FOXP2: variants seen among roughly 807,000 people sequenced by gnomAD.
FOXP2 encodes forkhead box P2, also known as forkhead box protein P2.
In FOXP2, 12 loss-of-function variants were observed where a neutral mutation model predicts 115.8. The ratio of observed to expected loss-of-function variants is 0.10; its 90% CI spans 0.07 to 0.17. The LOEUF is 0.17. Ranked by LOEUF, FOXP2 falls within the 10% of genes least tolerant of loss-of-function variation. FOXP2 has a pLI of 1.00. For synonymous variants in FOXP2, 328 were observed against 297.7 expected (o/e 1.10, Z -1.05); for missense variants, 629 against 843.5 (o/e 0.75, Z 3.15).
Position 114,635,842 on chromosome 7 carries a change from T to C in FOXP2, c.775+4137T>C, listed in dbSNP as rs149122555. Among the ~76,000 whole-genome samples the C allele has an allele frequency of 2.9e-4, 44 of 152,248 alleles. 1 individual carries two copies. The highest frequency in any genetic ancestry group is 1.2e-3 in the South Asian group (6 of 4,826). On this transcript the variant is annotated intron_variant, in intron 6 of 16. Transcript: ENST00000350908. ...AAAATATGATGAGAAAAAGGAAACA[T>C]CATTGGTTTTGTAATAGAATATCCA... is the stretch of plus-strand genomic sequence containing the variant.
intron 2 of FOXP2, among the ~76,000 whole-genome samples, chr7:114,447,511 T>C (rs924934304): frequency 6.6e-6 from 1 of 152,120 alleles, no homozygotes; most frequent in Non-Finnish European, 1.5e-5. Flanking sequence ...AAATTGAACC[T>C]TTTTCTGCAA....
intron 2 of FOXP2, among the ~76,000 whole-genome samples, chr7:114,477,089 C>T (rs1336528528): frequency 6.6e-6 from 1 of 151,902 alleles, no homozygotes; most frequent in Admixed American, 6.6e-5. Flanking sequence ...TGGAAATAAG[C>T]CTGGAGACTT....
chr7:114,175,527 A>T (rs930242946), intron 1 of FOXP2, among the ~76,000 whole-genome samples: 1 of 152,166 alleles, frequency 6.6e-6, no homozygotes, highest in African/African-American at 2.4e-5. Context: ...AACTCTCTTA[A>T]ATGTTTAGTG....
intron 1 of FOXP2, among the ~76,000 whole-genome samples, chr7:114,230,884 A>T (rs530766090): frequency 2.6e-5 from 4 of 151,920 alleles, no homozygotes; most frequent in Non-Finnish European, 5.9e-5. Context: ...ATGTAAAAAA[A>T]GAAATAAAAG....
chr7:114,330,416 TG>T (rs1191067190), intron 2 of FOXP2, among the ~76,000 whole-genome samples: 2 of 151,354 alleles, frequency 1.3e-5, no homozygotes, highest in Non-Finnish European at 2.9e-5. Flanking sequence ...GAGGATCCCT[TG>T]AGCTCAGGAG....
chr7:114,391,320 C>G (rs1792595253), intron 2 of FOXP2, among the ~76,000 whole-genome samples: 1 of 152,174 alleles, frequency 6.6e-6, no homozygotes, highest in Non-Finnish European at 1.5e-5. Context: ...TCCTACCTTG[C>G]TTCTTCACTG....
intron 2 of FOXP2, 52 bp from the exon 3 acceptor site, chr7:114,534,565 A>G: frequency 6.9e-7 from 1 of 1,439,822 alleles, no homozygotes; most frequent in Non-Finnish European, 9.8e-7. Context: ...GAGATAATTG[A>G]TAACTTAACT....
chr7:114,300,509 T>G (rs1234416838), intron 2 of FOXP2, among the ~76,000 whole-genome samples: 1 of 151,880 alleles, frequency 6.6e-6, no homozygotes, highest in Non-Finnish European at 1.5e-5. Flanking sequence ...TCAAACCCAT[T>G]TTTTTCCTGA....
At chr7:114,219,590 A>G (rs913547694) in intron 1 of FOXP2, among the ~76,000 whole-genome samples, 8 of 152,202 alleles carry the variant, frequency 5.3e-5, no homozygotes, top group Admixed American at 3.3e-4. Context: ...TTGTGAATAT[A>G]GTTTTAAAAA....
intron 1 of FOXP2, among the ~76,000 whole-genome samples, chr7:114,140,262 T>C (rs1792170067): frequency 6.6e-6 from 1 of 152,156 alleles, no homozygotes; most frequent in African/African-American, 2.4e-5. Flanking sequence ...TGAGCTCAGT[T>C]TTATTATTTT....
At chr7:114,636,843 T>C (rs1239029199) in intron 6 of FOXP2, among the ~76,000 whole-genome samples, 1 of 152,140 alleles carries the variant, frequency 6.6e-6, no homozygotes, top group Non-Finnish European at 1.5e-5. Context: ...GCTTGTCATC[T>C]TGTAGATACT....
rs1806304665 is a variant in FOXP2 at position 114,652,267 on chromosome 7, G to A, written c.1159G>A (p.Val387Met). 1 of 1,612,782 alleles carries A rather than the reference G, an allele frequency of 6.2e-7. No homozygotes were observed. Residue 387 changes from valine to methionine, a missense_variant, in exon 9 of 17, where the codon GTG becomes ATG. Transcript: ENST00000350908. ...STAQCRVQMQ[V>M]VQQLEIQLSK... ...TGCTCAGTGTCGAGTGCAAATGCAG[G>A]TGGTGCAACAGTTAGAAATACAGGT...
At chr7:114,284,711 A>G (rs1476311225) in intron 1 of FOXP2, among the ~76,000 whole-genome samples, 2 of 152,186 alleles carry the variant, frequency 1.3e-5, no homozygotes, top group African/African-American at 4.8e-5. Flanking sequence ...TACTGGGTGT[A>G]TACCCAAAGG....
chr7:114,340,297 C>A (rs1791170851), intron 2 of FOXP2, among the ~76,000 whole-genome samples: 1 of 150,956 alleles, frequency 6.6e-6, no homozygotes, highest in South Asian at 2.1e-4. Flanking sequence ...ATGAGGGCAT[C>A]TATGTGTTGC....
intron 1 of FOXP2, among the ~76,000 whole-genome samples, chr7:114,236,456 G>T (rs1425077959): frequency 6.6e-6 from 1 of 152,126 alleles, no homozygotes; most frequent in Non-Finnish European, 1.5e-5. Context: ...TATCTATTTA[G>T]TGTCTGCCTA....
At chr7:114,233,338 G>T (rs903358060) in intron 1 of FOXP2, among the ~76,000 whole-genome samples, 1 of 152,136 alleles carries the variant, frequency 6.6e-6, no homozygotes, top group Non-Finnish European at 1.5e-5. Flanking sequence ...TCTTGTGTAT[G>T]TCTTATACAA....
chr7:114,194,891 A>G (rs1248977010), intron 1 of FOXP2, among the ~76,000 whole-genome samples: 2 of 152,190 alleles, frequency 1.3e-5, no homozygotes, highest in Non-Finnish European at 1.5e-5. Flanking sequence ...AATAAATAAG[A>G]GATTATAATG....
In FOXP2 at chr7:114,415,373, T is replaced by A; in HGVS notation, c.-11+13T>A. 1 of 443,314 alleles carries A rather than the reference T, an allele frequency of 2.3e-6. No homozygotes were observed. Among genetic ancestry groups the A allele is most frequent in the South Asian group, 1.6e-5 (1 of 62,102 alleles). The allele number at this position is 443,314 out of a possible 1,614,324, so 27.5% of individuals were successfully genotyped here. A position where few individuals can be genotyped will look rare whatever the true frequency, so the allele number is the denominator to read the frequency against. ...ATTTCCAGAGAAGGTACGTTACTTT[T>A]TGCTAAGAGAATATCTGTAAGAGTT... On this transcript the variant is annotated intron_variant, in intron 1 of 16. Transcript: ENST00000350908.
intron 1 of FOXP2, among the ~76,000 whole-genome samples, chr7:114,093,097 C>T (rs1799575707): frequency 6.6e-6 from 1 of 152,142 alleles, no homozygotes; most frequent in Non-Finnish European, 1.5e-5. Flanking sequence ...CCAAAAGCTT[C>T]TTATGTCTCT....
Sources: gnomAD v4.1 joint callset for allele counts (sites outside exome capture counted in the v4.1 genomes callset) on GRCh38, gnomAD v4.1.1 for gene constraint, MANE v1.5 for transcripts, NCBI Gene and HGNC (gene_info 2026-07-23, HGNC 2026-07-21) for gene names.